SCAI: variants seen among roughly 807,000 people sequenced by gnomAD.
SCAI encodes the protein protein SCAI.
SCAI carries 24 observed loss-of-function variants against 92.2 expected under a neutral mutation model. The observed-to-expected ratio is 0.26, with a 90% confidence interval of 0.19 to 0.37. The LOEUF is 0.37. Among genes scored for constraint, SCAI ranks in the 10% least tolerant of loss-of-function variants. The pLI is 1.00. For missense variants in SCAI, 450 were observed against 736.2 expected (o/e 0.61, Z 4.50); for synonymous variants, 261 against 258.6 (o/e 1.01, Z -0.09).
At chr9:125,114,740 C>A (rs945156538) in intron 2 of SCAI, among the ~76,000 whole-genome samples, 1 of 145,648 alleles carries the variant, frequency 6.9e-6, no homozygotes, top group African/African-American at 2.5e-5. Context: ...AAGTAGCTGG[C>A]GCTACAGGTG....
chr9:125,128,187 G>A (rs1835316383), intron 2 of SCAI, among the ~76,000 whole-genome samples: 1 of 152,174 alleles, frequency 6.6e-6, no homozygotes, highest in Non-Finnish European at 1.5e-5. Context: ...GCCGGGCACA[G>A]TGGCACATGG....
chr9:125,040,878 G>A lies in SCAI; in HGVS notation c.231-11139C>T, dbSNP rs185934010. ...TTGAACTACTGACCTCAAGTGATCC[G>A]CCGTCTTGGCCTCTCAAAGTGCTGG... On this transcript the variant is annotated intron_variant, in intron 3 of 17. Transcript: ENST00000336505. Among the ~76,000 whole-genome samples, 314 of 151,500 alleles carry A rather than the reference G, an allele frequency of 2.1e-3. 1 individual carries two copies. Among genetic ancestry groups the A allele is most frequent in the South Asian group, 0.012 (59 of 4,780 alleles).
chr9:125,104,457 C>T (rs547206913), intron 2 of SCAI, among the ~76,000 whole-genome samples: 29 of 152,288 alleles, frequency 1.9e-4, no homozygotes, highest in African/African-American at 7.0e-4. Flanking sequence ...ACTCTAAATA[C>T]TTCACAACCT....
intron 3 of SCAI, among the ~76,000 whole-genome samples, chr9:125,033,916 A>C (rs1482285917): frequency 2.0e-5 from 3 of 152,242 alleles, no homozygotes; most frequent in African/African-American, 7.2e-5. Flanking sequence ...TTGATGAAGA[A>C]ATATCATTAT....
intron 2 of SCAI, among the ~76,000 whole-genome samples, chr9:125,131,407 CAAAAAAAA>C (rs200932061): frequency 1.6e-5 from 1 of 63,328 alleles, no homozygotes; most frequent in East Asian, 3.2e-4. Context: ...GACTCCGTCT[CAAAAAAAA>C]AAAAAAAAGA....
intron 9 of SCAI, among the ~76,000 whole-genome samples, chr9:125,012,445 A>G (rs1177067077): frequency 2.0e-5 from 3 of 152,248 alleles, no homozygotes; most frequent in African/African-American, 4.8e-5. Context: ...AGGCCATTAC[A>G]TAATGGTAAA....
intron 2 of SCAI, among the ~76,000 whole-genome samples, chr9:125,107,488 A>G (rs1834825806): frequency 1.3e-5 from 2 of 152,220 alleles, no homozygotes; most frequent in Admixed American, 1.3e-4. Context: ...AACCAGAGCC[A>G]GGCAAGATAG....
intron 3 of SCAI, among the ~76,000 whole-genome samples, chr9:125,034,032 A>G (rs1408007998): frequency 6.6e-6 from 1 of 152,230 alleles, no homozygotes; most frequent in Admixed American, 6.5e-5. Flanking sequence ...AAGAGGCTAC[A>G]AAGATGTGAA....
chr9:125,138,249 C>CTTTTTTTTT (rs10570060), intron 2 of SCAI, among the ~76,000 whole-genome samples: 14 of 104,182 alleles, frequency 1.3e-4, no homozygotes, highest in African/African-American at 2.3e-4. Flanking sequence ...ACTATTATTT[C>CTTTTTTTTT]TTTTTTTTTT....
chr9:124,997,820 G>A (rs780619354), intron 13 of SCAI, among the ~76,000 whole-genome samples: 1 of 149,422 alleles, frequency 6.7e-6, no homozygotes, highest in Non-Finnish European at 1.5e-5. Flanking sequence ...AGGTTGCAGT[G>A]AGCCAAGATA....
intron 2 of SCAI, among the ~76,000 whole-genome samples, chr9:125,118,921 G>A (rs896365555): frequency 2.0e-5 from 3 of 152,188 alleles, no homozygotes; most frequent in African/African-American, 7.2e-5. Context: ...TGGTGTATAT[G>A]CACCACATTT....
At chr9:125,014,680 AT>A (rs1367203508) in intron 9 of SCAI, among the ~76,000 whole-genome samples, 1 of 152,198 alleles carries the variant, frequency 6.6e-6, no homozygotes, top group Non-Finnish European at 1.5e-5. Flanking sequence ...GGAAAAAACT[AT>A]TTTAAAGTTC....
rs1339781720 is a variant in SCAI, at chr9:124,982,151, C to T, written c.1327-5965G>A. ...AATAATTCCTATCATTTACTGAGTG[C>T]TATTTTCCAGAAACTACGCTAGGCT... On this transcript the variant is annotated intron_variant, in intron 14 of 17. Transcript: ENST00000336505. 7.9e-5 allele frequency among the ~76,000 whole-genome samples: 12 copies of T among 152,244 alleles called. No individual in the cohort carries two copies. The South Asian group carries it at 2.3e-3, about 29-fold the overall frequency.
chr9:125,058,163 C>A (rs114957032), intron 2 of SCAI, among the ~76,000 whole-genome samples: 1,599 of 152,008 alleles, frequency 0.011, 29 homozygotes, highest in African/African-American at 0.037. Context: ...AGAGTTCTCA[C>A]TTGGCAGAGA....
chr9:124,968,944 GA>G (rs544681413), intron 17 of SCAI: 32,193 of 246,178 alleles, frequency 0.13, 9 homozygotes, highest in South Asian at 0.2. Flanking sequence ...TTATTTTTTG[GA>G]AAAAAAAAAA....
intron 14 of SCAI, among the ~76,000 whole-genome samples, chr9:124,986,723 T>C (rs1831998920): frequency 6.6e-6 from 1 of 152,148 alleles, no homozygotes; most frequent in Non-Finnish European, 1.5e-5. Flanking sequence ...TATCACCATA[T>C]AACTGCAGGA....
chr9:125,066,073 GAAAA>G, intron 2 of SCAI: 1 of 716,332 alleles, frequency 1.4e-6, no homozygotes, highest in Non-Finnish European at 2.5e-6. Flanking sequence ...ATTGAATAAA[GAAAA>G]AAAGAAAACA....
intron 2 of SCAI, among the ~76,000 whole-genome samples, chr9:125,076,024 A>T (rs1009569901): frequency 2.6e-5 from 4 of 152,176 alleles, no homozygotes; most frequent in African/African-American, 9.7e-5. Flanking sequence ...TTGATCGATC[A>T]TATACAAAGA....
Position 125,018,886 on chromosome 9 carries a change from T to C in SCAI, c.774A>G (p.Glu258=), listed in dbSNP as rs1432577448. 2 of 1,613,912 alleles carry C rather than the reference T, an allele frequency of 1.2e-6. No homozygotes were observed. Among genetic ancestry groups the C allele is most frequent in the Non-Finnish European group, 1.7e-6 (2 of 1,179,972 alleles). ...TIVITSNRLA[E]TGAPLLEQGM... Reference sequence around the variant, plus strand: ...CCTGTTCCAGCAATGGGGCTCCTGTTTCAGCAAGGCGATTCGATGTGATAA... The same window carrying C: ...CCTGTTCCAGCAATGGGGCTCCTGTCTCAGCAAGGCGATTCGATGTGATAA... The change falls in exon 9 of 18, where the codon GAA becomes GAG. Residue 258 remains glutamate (E), a synonymous_variant. Transcript: ENST00000336505.
Sources: gnomAD v4.1 joint callset for allele counts (sites outside exome capture counted in the v4.1 genomes callset) on GRCh38, gnomAD v4.1.1 for gene constraint, MANE v1.5 for transcripts, NCBI Gene and HGNC (gene_info 2026-07-23, HGNC 2026-07-21) for gene names.